CHD6: variants seen among roughly 807,000 people sequenced by gnomAD.
CHD6 encodes the protein chromodomain helicase DNA binding protein 6.
In CHD6, 50 loss-of-function variants were observed where a neutral mutation model predicts 276.9. The observed-to-expected ratio is 0.18, with a 90% CI of 0.14 to 0.23. The LOEUF (loss-of-function observed/expected upper bound fraction) is 0.23. Among genes scored for constraint, CHD6 ranks in the 10% least tolerant of loss-of-function variants. The pLI is 1.00. For missense variants in CHD6, 2,564 were observed against 3,365.8 expected, an observed-to-expected ratio of 0.76 and a Z score of 5.89; for synonymous variants, 1,173 against 1,229.3, an observed-to-expected ratio of 0.95 and a Z score of 0.96.
At chr20:41,501,227 C>T (rs925729032) in intron 5 of CHD6, among the ~76,000 whole-genome samples, 3 of 152,180 alleles carry the variant, frequency 2.0e-5, no homozygotes, top group Non-Finnish European at 4.4e-5. Flanking sequence ...TAGTCTTAAT[C>T]ATGAAGGAAC....
At chr20:41,459,946 C>G (rs1280191094) in intron 17 of CHD6, among the ~76,000 whole-genome samples, 2 of 152,208 alleles carry the variant, frequency 1.3e-5, no homozygotes, top group Non-Finnish European at 2.9e-5. Flanking sequence ...GAACCTCCTA[C>G]AGACTTGTTC....
At chr20:41,504,638 A>G (rs1010620030) in intron 5 of CHD6, among the ~76,000 whole-genome samples, 2 of 151,976 alleles carry the variant, frequency 1.3e-5, no homozygotes, top group South Asian at 4.2e-4. Context: ...TCGAAATTCT[A>G]AGCTCAAAGC....
At chr20:41,450,299 C>A (rs764949169) in intron 23 of CHD6, among the ~76,000 whole-genome samples, 2 of 152,170 alleles carry the variant, frequency 1.3e-5, no homozygotes, top group African/African-American at 2.4e-5. Context: ...GGGAAGATAA[C>A]TCTTGCATGA....
In CHD6 at chr20:41,403,314, C is replaced by T. The variant is rs2046581253; in HGVS notation, c.*1279G>A. On this transcript the variant is annotated 3_prime_UTR_variant, in exon 37 of 37. Coordinates refer to ENST00000373233, the MANE Select transcript of CHD6 (RefSeq NM_032221.5). Reference sequence around the variant, plus strand: ...ACTTCAAGTCTCAGAGTGTGAACTACCTGTGAAGAGTGAGACCATCAGAAG... The same window carrying T: ...ACTTCAAGTCTCAGAGTGTGAACTATCTGTGAAGAGTGAGACCATCAGAAG... The T allele has an allele frequency of 2.8e-6, 3 of 1,063,442 alleles. No individual in the cohort carries two copies. The highest frequency in any genetic ancestry group is 3.4e-6 in the Non-Finnish European group (3 of 877,810). The allele number at this position is 1,063,442 out of a possible 1,614,324, so 65.9% of individuals were successfully genotyped here.
intron 35 of CHD6, among the ~76,000 whole-genome samples, chr20:41,412,958 T>C (rs1306435085): frequency 6.6e-6 from 1 of 152,206 alleles, no homozygotes; most frequent in Non-Finnish European, 1.5e-5. Flanking sequence ...ACGTATTAAC[T>C]TGAAAAGAAT....
rs539327873 is a variant in CHD6 at position 41,520,304 on chromosome 20, A to T, written c.555-5352T>A. Among the ~76,000 whole-genome samples, 4 of 152,364 alleles carry T rather than the reference A, an allele frequency of 2.6e-5. No homozygotes were observed. The East Asian group carries it at 7.7e-4, about 29-fold the overall frequency. ...TAGAAGTAGAAATACCATTTGACCC[A>T]GCAATCCCATTACTGGGTATATATC... On this transcript the variant is annotated intron_variant, in intron 3 of 36. Coordinates refer to ENST00000373233, the MANE Select transcript of CHD6 (RefSeq NM_032221.5).
At chr20:41,435,395 A>G (rs556333812) in intron 27 of CHD6, among the ~76,000 whole-genome samples, 4 of 152,248 alleles carry the variant, frequency 2.6e-5, no homozygotes, top group Admixed American at 1.3e-4. Flanking sequence ...CAGGAGTTCA[A>G]TACTAGCCTG....
chr20:41,577,404 T>C (rs2045486137), intron 1 of CHD6, among the ~76,000 whole-genome samples: 1 of 152,222 alleles, frequency 6.6e-6, no homozygotes, highest in African/African-American at 2.4e-5. Flanking sequence ...TGTGAATCTG[T>C]GACCTCAAGC....
rs969037194 is a variant in CHD6 at position 41,417,783 on chromosome 20, GAA to G, written c.6128-436_6128-435del. Among the ~76,000 whole-genome samples, 276 of 152,286 alleles carry G rather than the reference GAA, an allele frequency of 1.8e-3. 3 individuals carry two copies. The highest frequency in any genetic ancestry group is 3.2e-3 in the Non-Finnish European group (218 of 68,020). Reference sequence around the variant, plus strand: ...GACGGTGATTAATATGAGAAAGGATGAAAGTCATGAAGCTTACAACAAAGGTA... The same window carrying G: ...GACGGTGATTAATATGAGAAAGGATGAGTCATGAAGCTTACAACAAAGGTA... On this transcript the variant is annotated intron_variant, in intron 31 of 36. Coordinates refer to ENST00000373233, the MANE Select transcript of CHD6 (RefSeq NM_032221.5).
At chr20:41,615,585 G>A (rs1264475341) in intron 1 of CHD6, among the ~76,000 whole-genome samples, 1 of 152,128 alleles carries the variant, frequency 6.6e-6, no homozygotes, top group Non-Finnish European at 1.5e-5. Context: ...TATACCAGGC[G>A]GGGAAAGGGG....
chr20:41,604,058 G>A (rs2045801878), intron 1 of CHD6, among the ~76,000 whole-genome samples: 1 of 151,858 alleles, frequency 6.6e-6, no homozygotes, highest in Non-Finnish European at 1.5e-5. Flanking sequence ...GAGAACAGGG[G>A]CTGCTAAAGA....
rs560699274 is a variant in CHD6 at position 41,424,672 on chromosome 20, C to G, written c.4346+506G>C. On this transcript the variant is annotated intron_variant, in intron 29 of 36. Coordinates refer to ENST00000373233, the MANE Select transcript of CHD6 (RefSeq NM_032221.5). ...TACCTTCTGGTGGCATCATTTCTAG[C>G]CTATGCTGGCCTTCTGTAAGCCTTT... Among the ~76,000 whole-genome samples the G allele has an allele frequency of 3.7e-4, 57 of 152,326 alleles. 1 individual carries two copies. Among genetic ancestry groups the G allele is most frequent in the Middle Eastern group, 3.4e-3 (1 of 294 alleles).
chr20:41,530,517 A>G (rs186600352), intron 3 of CHD6, among the ~76,000 whole-genome samples: 3 of 152,146 alleles, frequency 2.0e-5, no homozygotes, highest in East Asian at 1.9e-4. Flanking sequence ...CAACGAGAAC[A>G]AAAAACTAAG....
rs1317353757 is a variant in CHD6, at chr20:41,533,063, A to C, written c.541T>G (p.Ser181Ala). The C allele has an allele frequency of 1.3e-6, 2 of 1,595,620 alleles. No homozygotes were observed. Among genetic ancestry groups the C allele is most frequent in the African/African-American group, 2.7e-5 (2 of 73,500 alleles). ...AAAGGAACGTACCTGGCCTTCCTGG[A>C]CTTCGTCCTGGCTGCAGAGTCAGTG... ...SCTDSAARTK[S>A]RKASKEQGPT... The change falls in exon 3 of 37, where the codon TCC becomes GCC. Residue 181 changes from serine (S) to alanine (A), a missense_variant. Physicochemically the swap from Ser to Ala is moderately conservative, Grantham distance 99 (BLOSUM62 1). Coordinates refer to ENST00000373233, the MANE Select transcript of CHD6 (RefSeq NM_032221.5).
At chr20:41,501,003 A>G (rs1235721557) in intron 5 of CHD6, among the ~76,000 whole-genome samples, 2 of 152,162 alleles carry the variant, frequency 1.3e-5, no homozygotes, top group East Asian at 3.9e-4. Flanking sequence ...CTAGGTGTGC[A>G]TTAATGAGCA....
chr20:41,426,680 G>C (rs1415350664), intron 27 of CHD6, among the ~76,000 whole-genome samples: 1 of 152,172 alleles, frequency 6.6e-6, no homozygotes, highest in African/African-American at 2.4e-5. Context: ...AAAACCCCAG[G>C]AATTTAAAAT....
intron 5 of CHD6, among the ~76,000 whole-genome samples, chr20:41,510,650 A>G (rs907950501): frequency 6.6e-6 from 1 of 152,236 alleles, no homozygotes; most frequent in Non-Finnish European, 1.5e-5. Flanking sequence ...TTCCTGAATT[A>G]TTTCTGTTAG....
chr20:41,502,467 C>A (rs1309985460), intron 5 of CHD6, among the ~76,000 whole-genome samples: 2 of 152,176 alleles, frequency 1.3e-5, no homozygotes, highest in Non-Finnish European at 2.9e-5. Flanking sequence ...CCATACTGGA[C>A]AAGGTAGTTA....
chr20:41,535,840 TG>T lies in CHD6; in HGVS notation c.34-2271del, dbSNP rs548188719. Among the ~76,000 whole-genome samples the T allele has an allele frequency of 2.2e-3, 330 of 152,320 alleles. 1 individual carries two copies. Among genetic ancestry groups the T allele is most frequent in the Non-Finnish European group, 3.9e-3 (266 of 68,034 alleles). On this transcript the variant is annotated intron_variant, in intron 2 of 36. Coordinates refer to ENST00000373233, the MANE Select transcript of CHD6 (RefSeq NM_032221.5). ...ATGATTGTGCCACTGCACTCCAGCC[TG>T]GGCAACACAGCAAGACTCAATCTCT... is the stretch of plus-strand genomic sequence containing the variant.
Sources: gnomAD v4.1 joint callset for allele counts (sites outside exome capture counted in the v4.1 genomes callset) on GRCh38, gnomAD v4.1.1 for gene constraint, MANE v1.5 for transcripts, NCBI Gene and HGNC (gene_info 2026-07-23, HGNC 2026-07-21) for gene names.